The following NLGN1 variants were observed in gnomAD, a reference collection of about 807,000 sequenced individuals.
NLGN1 encodes the protein neuroligin 1.
In NLGN1, 12 loss-of-function variants were observed where a neutral mutation model predicts 65.5. The ratio of observed to expected loss-of-function variants is 0.18; its 90% CI spans 0.12 to 0.30. The LOEUF is 0.30. Ranked by LOEUF, NLGN1 falls within the 10% of genes least tolerant of loss-of-function variation. NLGN1 has a pLI of 1.00. For missense variants in NLGN1, 750 were observed against 1,007.1 expected (o/e 0.74, Z 3.46); for synonymous variants, 350 against 359.5 (o/e 0.97, Z 0.30).
chr3:173,568,161 CTTTCTTTCT>C (rs992977998), intron 2 of NLGN1, among the ~76,000 whole-genome samples: 61 of 151,742 alleles, frequency 4.0e-4, no homozygotes, highest in African/African-American at 1.3e-3. Flanking sequence ...TCCTTTCCTT[CTTTCTTTCT>C]TTTCTTTCTT....
At chr3:173,653,968 A>G (rs1296161890) in intron 3 of NLGN1, among the ~76,000 whole-genome samples, 1 of 152,150 alleles carries the variant, frequency 6.6e-6, no homozygotes, top group Non-Finnish European at 1.5e-5. Flanking sequence ...GTCAATAGCC[A>G]CTACCAACCG....
intron 4 of NLGN1, among the ~76,000 whole-genome samples, chr3:174,243,476 T>G (rs1702617014): frequency 1.3e-5 from 2 of 152,216 alleles, no homozygotes; most frequent in African/African-American, 4.8e-5. Flanking sequence ...GACAGTAAGC[T>G]TAGAAACTTT....
chr3:173,416,853 C>G (rs669428), intron 1 of NLGN1, among the ~76,000 whole-genome samples: 43,939 of 151,888 alleles, frequency 0.29, 6,715 homozygotes, highest in Middle Eastern at 0.4. Flanking sequence ...TTTTGAGAGA[C>G]ATATAAAGAA....
At chr3:174,248,419 T>C (rs554268678) in intron 4 of NLGN1, among the ~76,000 whole-genome samples, 1 of 152,296 alleles carries the variant, frequency 6.6e-6, no homozygotes, top group South Asian at 2.1e-4. Flanking sequence ...ACATAATATG[T>C]GTAGAAAGTG....
chr3:174,268,225 A>AT lies in NLGN1; in HGVS notation c.647-7088dup, dbSNP rs146900185. On this transcript the variant is annotated intron_variant, in intron 4 of 6. Coordinates refer to ENST00000457714, the Ensembl canonical transcript of NLGN1. ...ATTCAAAAGGCCTTTTAGAAGAGATATTCTTCTTTTTTCACTTCTTTGTGA... is the reference window on the plus strand; with the variant it reads ...ATTCAAAAGGCCTTTTAGAAGAGATATTTCTTCTTTTTTCACTTCTTTGTGA... 6.0e-3 allele frequency among the ~76,000 whole-genome samples: 911 copies of AT among 152,260 alleles called. 24 individuals carry two copies. Among genetic ancestry groups the AT allele is most frequent in the East Asian group, 0.03 (155 of 5,170 alleles).
At chr3:173,480,617 C>T (rs530471916) in intron 2 of NLGN1, among the ~76,000 whole-genome samples, 2 of 152,176 alleles carry the variant, frequency 1.3e-5, no homozygotes, top group Admixed American at 6.6e-5. Context: ...AGGATTTAGT[C>T]TCATTAAATT....
At chr3:173,976,372 G>A (rs1057411139) in intron 4 of NLGN1, among the ~76,000 whole-genome samples, 1 of 151,990 alleles carries the variant, frequency 6.6e-6, no homozygotes, top group Non-Finnish European at 1.5e-5. Flanking sequence ...CTGGCTTTGG[G>A]TAGCTAATAG....
At chr3:174,040,969 TTTTA>T (rs772456540) in intron 4 of NLGN1, among the ~76,000 whole-genome samples, 1 of 152,202 alleles carries the variant, frequency 6.6e-6, no homozygotes, top group Non-Finnish European at 1.5e-5. Context: ...ATTCAATATT[TTTTA>T]TGAATCTTTT....
intron 3 of NLGN1, among the ~76,000 whole-genome samples, chr3:173,708,627 C>T (rs1768430638): frequency 6.6e-6 from 1 of 152,092 alleles, no homozygotes. Context: ...TTGTAAACTG[C>T]GGGTGAACAC....
chr3:173,973,085 A>G (rs1418391703), intron 4 of NLGN1, among the ~76,000 whole-genome samples: 1 of 152,140 alleles, frequency 6.6e-6, no homozygotes, highest in Non-Finnish European at 1.5e-5. Context: ...CTGTAAAATG[A>G]GGATAACTAG....
At chr3:173,687,882 A>G (rs1027925057) in intron 3 of NLGN1, among the ~76,000 whole-genome samples, 1 of 152,226 alleles carries the variant, frequency 6.6e-6, no homozygotes, top group South Asian at 2.1e-4. Context: ...CAGCCACTGT[A>G]GGCAAGAACT....
intron 4 of NLGN1, among the ~76,000 whole-genome samples, chr3:174,035,664 A>G (rs898787814): frequency 1.3e-5 from 2 of 152,112 alleles, no homozygotes; most frequent in African/African-American, 2.4e-5. Flanking sequence ...ACCATTTATC[A>G]TTTGCAAACA....
chr3:173,789,665 A>G (rs1465095984), intron 3 of NLGN1, among the ~76,000 whole-genome samples: 2 of 152,222 alleles, frequency 1.3e-5, no homozygotes, highest in African/African-American at 4.8e-5. Context: ...AGCACCTGTA[A>G]TTCAGGGATG....
At chr3:173,894,181 C>G (rs1252355217) in intron 4 of NLGN1, among the ~76,000 whole-genome samples, 1 of 152,060 alleles carries the variant, frequency 6.6e-6, no homozygotes, top group Admixed American at 6.5e-5. Context: ...GCACTTATCA[C>G]AGGGTGTTAC....
chr3:173,663,652 T>C (rs1560126767), intron 3 of NLGN1, among the ~76,000 whole-genome samples: 1 of 151,878 alleles, frequency 6.6e-6, no homozygotes, highest in Non-Finnish European at 1.5e-5. Flanking sequence ...AAAGCTGCAG[T>C]TGAGAGATGA....
intron 4 of NLGN1, among the ~76,000 whole-genome samples, chr3:173,989,504 T>C (rs192661799): frequency 6.6e-6 from 1 of 152,204 alleles, no homozygotes. Context: ...AATATATTTT[T>C]AAAAAATTCT....
At chr3:173,499,687 G>A (rs1380939516) in intron 2 of NLGN1, among the ~76,000 whole-genome samples, 2 of 151,898 alleles carry the variant, frequency 1.3e-5, no homozygotes, top group Admixed American at 6.6e-5. Context: ...CTACCCATGA[G>A]CATGGGATGT....
Position 173,651,282 on chromosome 3 carries a change from T to C in NLGN1, c.493+46191T>C, listed in dbSNP as rs538210650. Among the ~76,000 whole-genome samples, 17 of 151,452 alleles carry C rather than the reference T, an allele frequency of 1.1e-4. No homozygotes were observed. The South Asian group carries it at 1.9e-3, about 17-fold the overall frequency. ...CTTTATATGGCTGAATAGTATCCCA[T>C]ATATATTCAATATTTATGTGTTATA... is the stretch of plus-strand genomic sequence containing the variant. On this transcript the variant is annotated intron_variant, in intron 3 of 6. Transcript: ENST00000457714.
At chr3:173,802,988 G>A (rs1181807331) in intron 3 of NLGN1, among the ~76,000 whole-genome samples, 4 of 151,854 alleles carry the variant, frequency 2.6e-5, no homozygotes, top group Middle Eastern at 3.2e-3. Flanking sequence ...GATTATAGGC[G>A]CCTGCCACCA....
Sources: allele counts gnomAD v4.1 joint callset (sites outside exome capture counted in the v4.1 genomes callset), GRCh38; gene constraint gnomAD v4.1.1; transcripts MANE v1.5; gene names NCBI Gene and HGNC (gene_info 2026-07-23, HGNC 2026-07-21).